The following MORC1 variants were observed in gnomAD, a reference collection of about 807,000 sequenced individuals.
MORC1 encodes MORC family CW-type zinc finger protein 1.
Under a neutral mutation model 134.9 loss-of-function variants are expected in MORC1, and 59 were observed. That is an observed-to-expected ratio of 0.44 (90% CI 0.35 to 0.54). The LOEUF is 0.54. Among genes scored for constraint, MORC1 ranks in the 20% least tolerant of loss-of-function variants. MORC1 has a pLI of 0.00. For synonymous variants in MORC1, 395 were observed against 391.7 expected, an observed-to-expected ratio of 1.01 and a Z score of -0.10; for missense variants, 947 against 1,134.5, an observed-to-expected ratio of 0.83 and a Z score of 2.37.
intron 16 of MORC1, among the ~76,000 whole-genome samples, chr3:109,031,651 A>C (rs1949243872): frequency 6.6e-6 from 1 of 152,132 alleles, no homozygotes; most frequent in South Asian, 2.1e-4. Context: ...TTGCGTTTTA[A>C]TTCTCATTTT....
intron 8 of MORC1, among the ~76,000 whole-genome samples, chr3:109,091,259 A>G (rs992236890): frequency 6.6e-6 from 1 of 151,706 alleles, no homozygotes; most frequent in African/African-American, 2.4e-5. Context: ...CCTGGCCAAC[A>G]TGGTGAAACC....
rs896336679 is a variant in MORC1, at chr3:108,983,334, T to C, written c.2324+1382A>G. On this transcript the variant is annotated intron_variant, in intron 23 of 27. Coordinates refer to ENST00000232603, the MANE Select transcript of MORC1 (RefSeq NM_014429.4). ...ACAGTCCCTACTCTCATGGAGTGCA[T>C]TGGCATCTAGTGAAAAATAGAGAAA... Among the ~76,000 whole-genome samples the C allele has an allele frequency of 3.3e-5, 5 of 152,080 alleles. 1 individual carries two copies. The highest frequency in any genetic ancestry group is 1.2e-4 in the African/African-American group (5 of 41,392).
At chr3:109,058,579 T>G (rs1180112031) in intron 12 of MORC1, among the ~76,000 whole-genome samples, 1 of 152,098 alleles carries the variant, frequency 6.6e-6, no homozygotes, top group Non-Finnish European at 1.5e-5. Flanking sequence ...TCCTTCCATG[T>G]GGATATGATA....
At chr3:109,054,198 T>A (rs1949899298) in intron 14 of MORC1, among the ~76,000 whole-genome samples, 1 of 151,834 alleles carries the variant, frequency 6.6e-6, no homozygotes, top group South Asian at 2.1e-4. Context: ...AGAGAATTGC[T>A]TGAACCAGGG....
At position 109,057,431 on chromosome 3, in the gene MORC1, G is replaced by T; in HGVS notation, c.1087C>A (p.Arg363=). The part of the protein sequence containing the change: ...SLFYGVNVEN[R]SQAGMFIYSN... Reference sequence around the variant, plus strand: ...TAAATGAACATTCCAGCTTGGCTTCGGTTTTCTACGTTCACTCCATAGAAC... The same window carrying T: ...TAAATGAACATTCCAGCTTGGCTTCTGTTTTCTACGTTCACTCCATAGAAC... The change falls in exon 13 of 28, where the codon CGA becomes AGA. Residue 363 remains arginine (R), a synonymous_variant. Coordinates refer to ENST00000232603, the MANE Select transcript of MORC1 (RefSeq NM_014429.4). 1.2e-6 allele frequency: 2 copies of T among 1,611,022 alleles called. No homozygotes were observed. Among genetic ancestry groups the T allele is most frequent in the Admixed American group, 1.7e-5 (1 of 59,626 alleles).
intron 15 of MORC1, 118 bp downstream of exon 15, chr3:109,035,222 A>G (rs1443849109): frequency 3.2e-6 from 3 of 933,468 alleles, no homozygotes; most frequent in Admixed American, 3.1e-5. Context: ...CAGACTGTAA[A>G]CTCCTGGAAA....
At chr3:108,979,350 T>C (rs1947648029) in intron 24 of MORC1, among the ~76,000 whole-genome samples, 165 bp downstream of exon 24, 1 of 152,222 alleles carries the variant, frequency 6.6e-6, no homozygotes, top group South Asian at 2.1e-4. Flanking sequence ...CAAGGGATAT[T>C]TAACCCATAG....
chr3:109,115,194 T>G (rs1951243603), intron 1 of MORC1, among the ~76,000 whole-genome samples: 1 of 152,228 alleles, frequency 6.6e-6, no homozygotes, highest in Admixed American at 6.5e-5. Flanking sequence ...ATTTTCTTTC[T>G]ATATTTAGTA....
intron 5 of MORC1, among the ~76,000 whole-genome samples, chr3:109,099,901 G>C (rs978513939): frequency 6.6e-6 from 1 of 152,162 alleles, no homozygotes; most frequent in Admixed American, 6.5e-5. Context: ...TTTGAAAGAG[G>C]ATTTATTTTA....
chr3:108,977,164 AC>A (rs1947586449), intron 24 of MORC1, among the ~76,000 whole-genome samples: 1 of 152,124 alleles, frequency 6.6e-6, no homozygotes, highest in Non-Finnish European at 1.5e-5. Context: ...CTTGCCTTAA[AC>A]CCCAGCCCCA....
chr3:109,102,690 C>G (rs1950952025), intron 4 of MORC1, among the ~76,000 whole-genome samples: 1 of 152,070 alleles, frequency 6.6e-6, no homozygotes, highest in Non-Finnish European at 1.5e-5. Flanking sequence ...GTTCATGACC[C>G]ATATAAAAAG....
At chr3:109,055,241 G>A (rs1214088794) in intron 13 of MORC1, among the ~76,000 whole-genome samples, 1 of 152,158 alleles carries the variant, frequency 6.6e-6, no homozygotes. Flanking sequence ...AATGACAGTG[G>A]CCAGAGAACC....
intron 25 of MORC1, 57 bp downstream of exon 25, chr3:108,971,273 C>T: frequency 4.7e-6 from 7 of 1,492,310 alleles, no homozygotes; most frequent in Non-Finnish European, 6.5e-6. Context: ...CATTTTTCTT[C>T]ACTGAGATTC....
chr3:109,098,568 G>A (rs929198273), intron 6 of MORC1, among the ~76,000 whole-genome samples: 3 of 152,056 alleles, frequency 2.0e-5, no homozygotes, highest in Non-Finnish European at 2.9e-5. Context: ...CAGCTTTTCC[G>A]GCTGCAAGTT....
At chr3:109,093,673 T>A in intron 7 of MORC1, 132 bp from the exon 8 acceptor site, 1 of 642,068 alleles carries the variant, frequency 1.6e-6, no homozygotes, top group Admixed American at 2.8e-5. Flanking sequence ...ATAGTATGTT[T>A]GGCTAACTCT....
In MORC1 at chr3:109,055,859, T is replaced by C. The variant is rs191016307; in HGVS notation, c.1176-977A>G. On this transcript the variant is annotated intron_variant, in intron 13 of 27. Transcript: ENST00000232603. ...GTGATAAGTGGGGTGAGGAACATAA[T>C]GCAGGTGCTGTGATATGTGAAGAGT... is the stretch of plus-strand genomic sequence containing the variant. Among the ~76,000 whole-genome samples, 86 of 152,260 alleles carry C rather than the reference T, an allele frequency of 5.6e-4. 2 individuals carry two copies. The highest frequency in any genetic ancestry group is 1.9e-3 in the African/African-American group (77 of 41,544).
chr3:109,009,204 G>GTTTTTTTTTTTTTTTTTTTTTT (rs1207320361), intron 17 of MORC1, among the ~76,000 whole-genome samples: 1 of 96,764 alleles, frequency 1.0e-5, no homozygotes. Context: ...TACGTTTTTT[G>GTTTTTTTTTTTTTTTTTTTTTT]TTGTTTTTTT....
intron 14 of MORC1, among the ~76,000 whole-genome samples, chr3:109,037,637 C>T (rs1949409630): frequency 2.0e-5 from 3 of 152,184 alleles, no homozygotes; most frequent in Admixed American, 2.0e-4. Context: ...GTTCCCCTCC[C>T]TGTGTCCAAG....
At position 109,035,414 on chromosome 3, in the gene MORC1, T is replaced by G. The variant is rs765134878; in HGVS notation, c.1385A>C (p.Asp462Ala). ...CNEFGYQNDI[D>A]VEKPLNSFQY... ...AAAAGAATTTAAAGGTTTCTCCACATCGATGTCATTCTGGTATCCAAATTC... is the reference window on the plus strand; with the variant it reads ...AAAAGAATTTAAAGGTTTCTCCACAGCGATGTCATTCTGGTATCCAAATTC... Residue 462 changes from aspartate to alanine, a missense_variant, in exon 15 of 28, where the codon GAT (aspartate) becomes GCT (alanine). Asp to Ala is a moderately radical substitution (Grantham distance 126). Around this residue, in one of 3 missense-constraint regions of MORC1, gnomAD observed 722 missense variants for 817.0 expected, o/e 0.88. Transcript: ENST00000232603. 1 of 1,541,844 alleles carries G rather than the reference T, an allele frequency of 6.5e-7. No homozygotes were observed. Among genetic ancestry groups the G allele is most frequent in the Non-Finnish European group, 8.9e-7 (1 of 1,127,644 alleles).
Sources: allele counts gnomAD v4.1 joint callset (sites outside exome capture counted in the v4.1 genomes callset), GRCh38; gene constraint gnomAD v4.1.1; regional missense constraint gnomAD v4.1.1; transcripts MANE v1.5; gene names NCBI Gene and HGNC (gene_info 2026-07-23, HGNC 2026-07-21).